The following ASAP3 variants were observed in gnomAD, a reference collection of about 807,000 sequenced individuals.
The protein encoded by ASAP3 is arf-GAP with SH3 domain, ANK repeat and PH domain-containing protein 3.
Under a neutral mutation model 118.2 loss-of-function variants are expected in ASAP3, and 85 were observed. The observed-to-expected ratio is 0.72, with a 90% CI of 0.60 to 0.86. The LOEUF (loss-of-function observed/expected upper bound fraction) is 0.86. Ranked by LOEUF, ASAP3 falls within the 40% of genes least tolerant of loss-of-function variation. ASAP3 has a pLI of 0.00. For synonymous variants in ASAP3, 432 were observed against 477.4 expected (o/e 0.90, Z 1.24); for missense variants, 1,026 against 1,175.0 (o/e 0.87, Z 1.85).
Position 23,429,824 on chromosome 1 carries a change from C to T in ASAP3, c.*32G>A. 2 of 1,607,028 alleles carry T rather than the reference C, an allele frequency of 1.2e-6. No individual in the cohort carries two copies. Among genetic ancestry groups the T allele is most frequent in the Non-Finnish European group, 8.5e-7 (1 of 1,176,206 alleles). On this transcript the variant is annotated 3_prime_UTR_variant, in exon 25 of 25. Coordinates refer to ENST00000336689, the MANE Select transcript of ASAP3 (RefSeq NM_017707.4). Reference sequence around the variant, plus strand: ...AAGTCCCAGCTCTGAACATTGGGGCCTAGCATGGGGCATGTGGGGGCCAGC... The same window carrying T: ...AAGTCCCAGCTCTGAACATTGGGGCTTAGCATGGGGCATGTGGGGGCCAGC...
intron 5 of ASAP3, among the ~76,000 whole-genome samples, chr1:23,443,592 G>A (rs1640948382): frequency 1.3e-5 from 2 of 151,686 alleles, no homozygotes; most frequent in South Asian, 4.2e-4. Flanking sequence ...GTGCAGTGGT[G>A]CGATCTCAGC....
intron 23 of ASAP3, 111 bp downstream of exon 23, chr1:23,431,582 GAGA>G: frequency 9.7e-7 from 1 of 1,025,770 alleles, no homozygotes; most frequent in Non-Finnish European, 1.4e-6. Flanking sequence ...GATGGGCCCA[GAGA>G]TGGCGTGTGA....
rs775718403 is a variant in ASAP3, at chr1:23,437,392, AGGCTGGCCG to A, written c.1151+23_1151+31del. On this transcript the variant is annotated intron_variant, in intron 13 of 24. Coordinates refer to ENST00000336689, the MANE Select transcript of ASAP3 (RefSeq NM_017707.4). The surrounding 1 kb of genome is among the most constrained non-coding windows in gnomAD (Gnocchi z 6.1). ...ATAGGGCCGCCGGCCCCCACCCACA[AGGCTGGCCG>A]GGCTGGCCGAGGGGGCACTCACGCC... The A allele has an allele frequency of 1.9e-6, 3 of 1,612,626 alleles. No individual in the cohort carries two copies. The highest frequency in any genetic ancestry group is 2.7e-5 in the African/African-American group (2 of 74,906).
At chr1:23,460,744 G>A (rs1415646985) in intron 1 of ASAP3, among the ~76,000 whole-genome samples, 2 of 152,086 alleles carry the variant, frequency 1.3e-5, no homozygotes, top group African/African-American at 4.8e-5. Flanking sequence ...AGTTGAAAAC[G>A]TATACATACC....
At chr1:23,477,437 G>T (rs928990624) in intron 1 of ASAP3, among the ~76,000 whole-genome samples, 1 of 150,620 alleles carries the variant, frequency 6.6e-6, no homozygotes, top group African/African-American at 2.4e-5. Flanking sequence ...ACGTGGAGGT[G>T]AGAGGTCGCA....
chr1:23,445,306 A>G (rs1427176295), intron 5 of ASAP3, among the ~76,000 whole-genome samples: 1 of 152,240 alleles, frequency 6.6e-6, no homozygotes, highest in Non-Finnish European at 1.5e-5. Flanking sequence ...CTCGGGCATC[A>G]TGGTGAAACC....
upstream of ASAP3, chr1:23,484,211 C>G (rs1336428384): frequency 1.8e-5 from 22 of 1,199,420 alleles, no homozygotes; most frequent in Non-Finnish European, 2.1e-5. Flanking sequence ...GCCTCACCGC[C>G]GGCCGGGGGC....
chr1:23,437,050 G>A lies in ASAP3; in HGVS notation c.1343-6C>T, dbSNP rs550498355. The A allele has an allele frequency of 1.2e-5, 19 of 1,609,410 alleles. No individual in the cohort carries two copies. Among genetic ancestry groups the A allele is most frequent in the Non-Finnish European group, 1.5e-5 (18 of 1,178,280 alleles). On this transcript the variant is annotated splice_region_variant and splice_polypyrimidine_tract_variant and intron_variant, in intron 14 of 24. Transcript: ENST00000336689. The surrounding 1 kb of genome is among the most constrained non-coding windows in gnomAD (Gnocchi z 6.1). ...GGTGCTGAGCCACGTGGGGTCTGCA[G>A]AGGAAAGCAGCTGGAGCCTGGAGGT...
chr1:23,433,004 A>C, intron 22 of ASAP3, 73 bp downstream of exon 22: 1 of 1,564,544 alleles, frequency 6.4e-7, no homozygotes, highest in Non-Finnish European at 8.7e-7. Context: ...ATATGCACTC[A>C]GCTCAGTGCC....
At chr1:23,442,850 C>T (rs746768726) in intron 5 of ASAP3, among the ~76,000 whole-genome samples, 10 of 152,094 alleles carry the variant, frequency 6.6e-5, no homozygotes, top group Non-Finnish European at 1.3e-4. Context: ...GGGGATCCAA[C>T]CTCGTTGGGG....
intron 5 of ASAP3, among the ~76,000 whole-genome samples, chr1:23,445,648 T>G (rs534182237): frequency 1.3e-5 from 2 of 152,180 alleles, no homozygotes; most frequent in Non-Finnish European, 2.9e-5. Context: ...AATAATAGTA[T>G]GGCGATATAT....
At position 23,437,086 on chromosome 1, in the gene ASAP3, C is replaced by T. The variant is rs1315010285; in HGVS notation, c.1343-42G>A. Reference sequence around the variant, plus strand: ...CTGGAGCCTGGAGGTGCAGCCCCTCCCCTCCACTTAAGCCTCCCTCCTGCC... The same window carrying T: ...CTGGAGCCTGGAGGTGCAGCCCCTCTCCTCCACTTAAGCCTCCCTCCTGCC... On this transcript the variant is annotated intron_variant, in intron 14 of 24. Coordinates refer to ENST00000336689, the MANE Select transcript of ASAP3 (RefSeq NM_017707.4). This position sits in a 1 kb window ranked among gnomAD's most constrained non-coding sequence, Gnocchi z 6.1. 1.9e-6 allele frequency: 3 copies of T among 1,601,620 alleles called. No individual in the cohort carries two copies. The African/African-American group carries it at 4.0e-5, about 21-fold the overall frequency.
At chr1:23,478,886 C>G (rs1642218666) in intron 1 of ASAP3, among the ~76,000 whole-genome samples, 1 of 152,180 alleles carries the variant, frequency 6.6e-6, no homozygotes, top group Admixed American at 6.5e-5. Flanking sequence ...ATGGACACAG[C>G]ACCTCTCCCT....
chr1:23,456,080 G>A (rs1484413827), intron 2 of ASAP3, 42 bp downstream of exon 2: 4 of 1,613,916 alleles, frequency 2.5e-6, no homozygotes, highest in Admixed American at 3.3e-5. Flanking sequence ...GGCTGGGAGA[G>A]GGGCTTCCTG....
At chr1:23,484,304 G>C (rs1642440176), upstream of ASAP3, 2 of 611,142 alleles carry the variant, frequency 3.3e-6, no homozygotes, top group Admixed American at 5.5e-5. Flanking sequence ...CAGCTGGGAC[G>C]GCCCCGCCCC....
chr1:23,440,963 C>G (rs1050097848), intron 10 of ASAP3, 139 bp downstream of exon 10: 1 of 749,128 alleles, frequency 1.3e-6, no homozygotes, highest in African/African-American at 1.8e-5. Flanking sequence ...CCTGGACAAC[C>G]CAGGAATTGA....
intron 3 of ASAP3, among the ~76,000 whole-genome samples, chr1:23,453,383 C>T (rs932863193): frequency 6.6e-6 from 1 of 152,164 alleles, no homozygotes; most frequent in Non-Finnish European, 1.5e-5. Flanking sequence ...CAGGCACGCA[C>T]CCAAGCCAGC....
Position 23,454,185 on chromosome 1 carries a change from ATT to A in ASAP3, c.349-1416_349-1415del, listed in dbSNP as rs66675239. 9.8e-3 allele frequency among the ~76,000 whole-genome samples: 984 copies of A among 100,100 alleles called. 5 individuals are homozygous for A. Among genetic ancestry groups the A allele is most frequent in the Admixed American group, 0.013 (124 of 9,242 alleles). 65.7% of individuals were successfully genotyped at this position (100,100 alleles called of 152,430 possible). On this transcript the variant is annotated intron_variant, in intron 3 of 24. Transcript: ENST00000336689. ...ACAGGCATACGCCCCCACACCTGGC[ATT>A]TTTTTTTTTTTTTTTTTGAGATGGA...
Position 23,460,536 on chromosome 1 carries a change from AAC to A in ASAP3, c.130-4344_130-4343del, listed in dbSNP as rs768864967. Among the ~76,000 whole-genome samples, 10 of 151,276 alleles carry A rather than the reference AAC, an allele frequency of 6.6e-5. No individual in the cohort carries two copies. The East Asian group carries it at 9.7e-4, about 15-fold the overall frequency. On this transcript the variant is annotated intron_variant, in intron 1 of 24. Transcript: ENST00000336689. ...AAAAAAAAAAAAAAAACCAAACAAA[AAC>A]ACACACACACACAAATAAATAAATA...
Sources: gnomAD v4.1 joint callset for allele counts (sites outside exome capture counted in the v4.1 genomes callset) on GRCh38, gnomAD v4.1.1 for gene constraint, Gnocchi (gnomAD v3.1) non-coding constraint, MANE v1.5 for transcripts, NCBI Gene and HGNC (gene_info 2026-07-23, HGNC 2026-07-21) for gene names.